KCNQ5: variants seen among roughly 807,000 people sequenced by gnomAD.
KCNQ5 encodes the protein potassium voltage-gated channel subfamily Q member 5, also known as potassium voltage-gated channel subfamily KQT member 5.
Under a neutral mutation model 98.2 loss-of-function variants are expected in KCNQ5, and 30 were observed. That is an observed-to-expected ratio of 0.31 (90% CI 0.23 to 0.41). The LOEUF (loss-of-function observed/expected upper bound fraction) is 0.41, where lower values mean the gene tolerates loss of function less well. Ranked by LOEUF, KCNQ5 falls within the 10% of genes least tolerant of loss-of-function variation. The probability of loss-of-function intolerance (pLI) is 1.00; values close to 1 mark genes in which losing one functional copy is unlikely to be tolerated. For missense variants in KCNQ5, 835 were observed against 1,182.5 expected, an observed-to-expected ratio of 0.71 and a Z score of 4.31; for synonymous variants, 458 against 449.4, an observed-to-expected ratio of 1.02 and a Z score of -0.24.
At chr6:72,747,369 A>G (rs1561957392) in intron 1 of KCNQ5, among the ~76,000 whole-genome samples, 1 of 152,096 alleles carries the variant, frequency 6.6e-6, no homozygotes, top group Non-Finnish European at 1.5e-5. Context: ...TTTTCCTTGG[A>G]ATATTTTTAT....
At chr6:73,152,511 G>A (rs1777192173) in intron 10 of KCNQ5, among the ~76,000 whole-genome samples, 1 of 152,004 alleles carries the variant, frequency 6.6e-6, no homozygotes, top group African/African-American at 2.4e-5. Flanking sequence ...TTGTTGCATG[G>A]ATAGAGTATT....
chr6:72,624,814 A>T (rs1284665227), intron 1 of KCNQ5, among the ~76,000 whole-genome samples: 1 of 152,204 alleles, frequency 6.6e-6, no homozygotes, highest in East Asian at 1.9e-4. Context: ...TTTTGGGAGG[A>T]TTGTGCACAA....
At chr6:72,962,180 T>TAA (rs1317255428) in intron 1 of KCNQ5, among the ~76,000 whole-genome samples, 2 of 64,176 alleles carry the variant, frequency 3.1e-5, no homozygotes, top group Non-Finnish European at 9.2e-5. Context: ...CTTGTTTCTC[T>TAA]AAATATATAT....
intron 1 of KCNQ5, among the ~76,000 whole-genome samples, chr6:72,741,708 A>G (rs1271288196): frequency 6.6e-6 from 1 of 152,210 alleles, no homozygotes. Context: ...GAGAGGAAAC[A>G]TAGCTTACCC....
At chr6:73,187,898 T>C (rs1276070431) in intron 11 of KCNQ5, among the ~76,000 whole-genome samples, 2 of 152,210 alleles carry the variant, frequency 1.3e-5, no homozygotes, top group Non-Finnish European at 2.9e-5. Context: ...AAGCAACTTT[T>C]GATGAATTAT....
At chr6:72,741,066 A>G (rs776315292) in intron 1 of KCNQ5, among the ~76,000 whole-genome samples, 12 of 152,228 alleles carry the variant, frequency 7.9e-5, no homozygotes, top group Non-Finnish European at 1.5e-4. Context: ...GAGAGTGCAG[A>G]TGAGAATTCA....
chr6:72,984,348 G>T (rs192007904), intron 1 of KCNQ5, among the ~76,000 whole-genome samples: 1 of 152,182 alleles, frequency 6.6e-6, no homozygotes, highest in Non-Finnish European at 1.5e-5. Flanking sequence ...AGGCCTTGTT[G>T]AGCTGCGTGG....
At chr6:72,771,307 AT>A (rs1772864176) in intron 1 of KCNQ5, among the ~76,000 whole-genome samples, 1 of 152,150 alleles carries the variant, frequency 6.6e-6, no homozygotes, top group Non-Finnish European at 1.5e-5. Context: ...AACAATAAAT[AT>A]ATCTTGACTT....
At chr6:73,141,979 C>A (rs1450552710) in intron 10 of KCNQ5, among the ~76,000 whole-genome samples, 2 of 152,178 alleles carry the variant, frequency 1.3e-5, no homozygotes, top group East Asian at 3.8e-4. Context: ...TGCAGTCAAG[C>A]TCTTGGCTGG....
intron 1 of KCNQ5, among the ~76,000 whole-genome samples, chr6:72,974,325 AC>A (rs1410421481): frequency 6.8e-6 from 1 of 147,394 alleles, no homozygotes; most frequent in Non-Finnish European, 1.5e-5. Flanking sequence ...AAGTTTGTCC[AC>A]CCCTGCTATA....
intron 2 of KCNQ5, among the ~76,000 whole-genome samples, chr6:73,040,211 G>GA (rs1428907926): frequency 6.6e-6 from 1 of 152,176 alleles, no homozygotes; most frequent in African/African-American, 2.4e-5. Context: ...CTGTTTCCAT[G>GA]AAAAAGAAAA....
At chr6:72,737,060 A>G (rs1279757400) in intron 1 of KCNQ5, among the ~76,000 whole-genome samples, 1 of 151,854 alleles carries the variant, frequency 6.6e-6, no homozygotes, top group Non-Finnish European at 1.5e-5. Flanking sequence ...TCCCGGGTTC[A>G]AGTGATTCTC....
chr6:72,707,633 T>C (rs1769156859), intron 1 of KCNQ5, among the ~76,000 whole-genome samples: 1 of 152,220 alleles, frequency 6.6e-6, no homozygotes, highest in Admixed American at 6.5e-5. Flanking sequence ...TATATTAACC[T>C]GATAATAGTT....
chr6:73,044,195 A>T (rs747030514), intron 3 of KCNQ5, among the ~76,000 whole-genome samples: 12 of 152,174 alleles, frequency 7.9e-5, no homozygotes, highest in Non-Finnish European at 1.3e-4. Flanking sequence ...CTGGAGGATC[A>T]TTTGAGCCCA....
intron 1 of KCNQ5, among the ~76,000 whole-genome samples, chr6:72,880,795 T>C (rs1393619208): frequency 1.3e-5 from 2 of 152,202 alleles, no homozygotes; most frequent in Non-Finnish European, 2.9e-5. Context: ...TTTTATATTA[T>C]CTTGGATATT....
At chr6:73,104,373 T>C (rs1774918756) in intron 5 of KCNQ5, among the ~76,000 whole-genome samples, 1 of 152,110 alleles carries the variant, frequency 6.6e-6, no homozygotes. Context: ...ATTAAAATAC[T>C]TAGGAATAAA....
At chr6:72,872,329 G>C (rs758978872) in intron 1 of KCNQ5, among the ~76,000 whole-genome samples, 3 of 152,076 alleles carry the variant, frequency 2.0e-5, no homozygotes, top group Non-Finnish European at 4.4e-5. Flanking sequence ...TTGCCTTCCA[G>C]TATATTTGTC....
At chr6:72,782,591 A>G (rs1773543719) in intron 1 of KCNQ5, among the ~76,000 whole-genome samples, 1 of 152,176 alleles carries the variant, frequency 6.6e-6, no homozygotes, top group African/African-American at 2.4e-5. Context: ...CTCAGTGATG[A>G]AGAAACTCGT....
intron 3 of KCNQ5, among the ~76,000 whole-genome samples, chr6:73,067,328 A>T (rs1391525986): frequency 1.3e-5 from 2 of 152,210 alleles, no homozygotes; most frequent in African/African-American, 4.8e-5. Context: ...CAAATTACTA[A>T]TCTAGAAAAG....
Sources: gnomAD v4.1 joint callset for allele counts (sites outside exome capture counted in the v4.1 genomes callset) on GRCh38, gnomAD v4.1.1 for gene constraint, MANE v1.5 for transcripts, NCBI Gene and HGNC (gene_info 2026-07-23, HGNC 2026-07-21) for gene names.